Variants in PRKN observed in about 807,000 individuals in gnomAD.
PRKN encodes parkin RBR E3 ubiquitin protein ligase, also known as E3 ubiquitin-protein ligase parkin.
A neutral mutation model predicts 59.5 loss-of-function variants in PRKN; 56 were observed. The observed-to-expected ratio is 0.94, with a 90% CI of 0.76 to 1.18. The LOEUF (loss-of-function observed/expected upper bound fraction) is 1.18, where lower values mean the gene tolerates loss of function less well. Among genes scored for constraint, PRKN ranks in the 50% most tolerant of loss-of-function variants. The pLI, the probability that PRKN is intolerant of heterozygous loss-of-function variation, is 0.00. For missense variants in PRKN, 657 were observed against 596.4 expected (o/e 1.10, Z -1.06); for synonymous variants, 250 against 222.1 (o/e 1.13, Z -1.12).
At chr6:162,064,848 C>T (rs1251958034) in intron 4 of PRKN, among the ~76,000 whole-genome samples, 1 of 152,190 alleles carries the variant, frequency 6.6e-6, no homozygotes, top group Non-Finnish European at 1.5e-5. Flanking sequence ...AGAAGAAGGA[C>T]GAGTCCCCAG....
At chr6:162,236,743 C>T (rs1377227592) in intron 3 of PRKN, among the ~76,000 whole-genome samples, 5 of 151,556 alleles carry the variant, frequency 3.3e-5, no homozygotes, top group South Asian at 2.1e-4. Flanking sequence ...TGCAGTGAGC[C>T]GAGATTGCAC....
intron 7 of PRKN, among the ~76,000 whole-genome samples, chr6:161,676,767 C>T (rs1043775588): frequency 6.6e-6 from 1 of 152,136 alleles, no homozygotes; most frequent in African/African-American, 2.4e-5. Context: ...AATCTGGTTT[C>T]ATGTAGGGTG....
intron 9 of PRKN, among the ~76,000 whole-genome samples, chr6:161,453,845 C>T (rs979865345): frequency 8.1e-5 from 12 of 148,988 alleles, no homozygotes; most frequent in African/African-American, 2.7e-4. Flanking sequence ...TCTGGGAATA[C>T]TAGTTGTTAC....
intron 1 of PRKN, among the ~76,000 whole-genome samples, chr6:162,637,382 C>G (rs191233590): frequency 5.2e-4 from 78 of 151,138 alleles, no homozygotes; most frequent in African/African-American, 1.8e-3. Flanking sequence ...TGCATACACA[C>G]AACTCCAGCT....
intron 1 of PRKN, among the ~76,000 whole-genome samples, chr6:162,512,314 C>T (rs1372618046): frequency 6.6e-6 from 1 of 152,102 alleles, no homozygotes; most frequent in Non-Finnish European, 1.5e-5. Context: ...ACAAAGTATA[C>T]CTTTACTCAC....
At position 161,618,728 on chromosome 6, in the gene PRKN, T is replaced by G. The variant is rs77076558; in HGVS notation, c.872-49312A>C. Among the ~76,000 whole-genome samples, 112 of 152,356 alleles carry G rather than the reference T, an allele frequency of 7.4e-4. No individual in the cohort carries two copies. The East Asian group carries it at 0.021, about 29-fold the overall frequency. On this transcript the variant is annotated intron_variant, in intron 7 of 11. Coordinates refer to ENST00000366898, the MANE Select transcript of PRKN (RefSeq NM_004562.3). ...GCAATTATCTCTCACACACTCAAAC[T>G]GCTTTCTTTCACAACATTACTTTTA...
At chr6:161,840,273 C>T (rs538154876) in intron 6 of PRKN, among the ~76,000 whole-genome samples, 2 of 152,296 alleles carry the variant, frequency 1.3e-5, no homozygotes, top group East Asian at 1.9e-4. Flanking sequence ...TCACAGGTGA[C>T]AGGCAGGCTG....
Position 162,056,915 on chromosome 6 carries a change from C to G in PRKN, c.535-2741G>C, listed in dbSNP as rs1477815981. On this transcript the variant is annotated intron_variant, in intron 4 of 11. Coordinates refer to ENST00000366898, the MANE Select transcript of PRKN (RefSeq NM_004562.3). The surrounding 1 kb of genome is among the most constrained non-coding windows in gnomAD (Gnocchi z 4.9). ...CTCGAGTGACCACTGGGGGAGGACT[C>G]AGAGCCTTGCCTGCGGTTTCCTCTA... is the stretch of plus-strand genomic sequence containing the variant. Among the ~76,000 whole-genome samples, 1 of 152,166 alleles carries G rather than the reference C, an allele frequency of 6.6e-6. No homozygotes were observed. The highest frequency in any genetic ancestry group is 2.4e-5 in the African/African-American group (1 of 41,426).
chr6:161,442,425 T>A lies in PRKN; in HGVS notation c.1084-55548A>T, dbSNP rs1247866042. 6.6e-6 allele frequency among the ~76,000 whole-genome samples: 1 copy of A among 152,220 alleles called. No homozygotes were observed. Among genetic ancestry groups the A allele is most frequent in the African/African-American group, 2.4e-5 (1 of 41,468 alleles). ...TCCACAAACAGGTTTACTTTAGTGA[T>A]CATAACAAATGGCTTTTATTCAGAA... On this transcript the variant is annotated intron_variant, in intron 9 of 11. Transcript: ENST00000366898. This position sits in a 1 kb window ranked among gnomAD's most constrained non-coding sequence, Gnocchi z 4.6.
chr6:161,370,366 C>T lies in PRKN; in HGVS notation c.1168-10161G>A, dbSNP rs184586953. Among the ~76,000 whole-genome samples, 1,284 of 150,286 alleles carry T rather than the reference C, an allele frequency of 8.5e-3. 11 individuals are homozygous for T. The highest frequency in any genetic ancestry group is 0.015 in the Non-Finnish European group (1,022 of 67,732). On this transcript the variant is annotated intron_variant, in intron 10 of 11. Transcript: ENST00000366898. The stretch of plus-strand genomic sequence containing the variant: ...TTGGGAGGCCGAGGCGGGTGGATCA[C>T]GAGGTCAGATCAAACCATCCTGGCT...
At chr6:161,691,899 A>T (rs1225262362) in intron 7 of PRKN, among the ~76,000 whole-genome samples, 1 of 151,208 alleles carries the variant, frequency 6.6e-6, no homozygotes. Context: ...GTTACAAATA[A>T]GACTTAGCGA....
intron 1 of PRKN, among the ~76,000 whole-genome samples, chr6:162,622,809 G>A (rs1782730227): frequency 6.6e-6 from 1 of 152,120 alleles, no homozygotes; most frequent in Admixed American, 6.5e-5. Context: ...AAGCAGGCAG[G>A]CAGGCTGGTG....
intron 1 of PRKN, among the ~76,000 whole-genome samples, chr6:162,473,322 C>T (rs1196270377): frequency 6.6e-6 from 1 of 152,130 alleles, no homozygotes; most frequent in East Asian, 1.9e-4. Flanking sequence ...TAGGTAAAGG[C>T]ATTAGGAAAA....
chr6:161,809,300 A>G lies in PRKN; in HGVS notation c.735-23392T>C, dbSNP rs956935360. ...ACTCAGAAATCCCGAGTCCTGAGGAATTACCACTTGGGGCTGGGTACTTGA... is the reference window on the plus strand; with the variant it reads ...ACTCAGAAATCCCGAGTCCTGAGGAGTTACCACTTGGGGCTGGGTACTTGA... On this transcript the variant is annotated intron_variant, in intron 6 of 11. Coordinates refer to ENST00000366898, the MANE Select transcript of PRKN (RefSeq NM_004562.3). Among the ~76,000 whole-genome samples the G allele has an allele frequency of 1.4e-3, 13 of 9,394 alleles. 1 individual carries two copies. The highest frequency in any genetic ancestry group is 0.056 in the Middle Eastern group (1 of 18). The allele number at this position is 9,394 out of a possible 152,430, so 6.2% of individuals were successfully genotyped here. A position where few individuals can be genotyped will look rare whatever the true frequency, so the allele number is the denominator to read the frequency against.
intron 9 of PRKN, among the ~76,000 whole-genome samples, chr6:161,513,397 C>T (rs894984436): frequency 2.0e-5 from 3 of 151,972 alleles, no homozygotes; most frequent in African/African-American, 2.4e-5. Context: ...CATGCCACCA[C>T]GCTTGGCTAA....
intron 5 of PRKN, 51 bp downstream of exon 5, chr6:162,054,040 G>A: frequency 8.8e-7 from 1 of 1,141,504 alleles, no homozygotes; most frequent in South Asian, 1.2e-5. Context: ...AAACAGTGAA[G>A]ATGTCATCAT....
Position 162,486,229 on chromosome 6 carries a change from C to T in PRKN, c.8-42756G>A, listed in dbSNP as rs201525652. Among the ~76,000 whole-genome samples the T allele has an allele frequency of 1.2e-4, 18 of 152,158 alleles. No individual in the cohort carries two copies. The South Asian group carries it at 2.1e-3, about 18-fold the overall frequency. ...TACTACTCATACATATGTATATGTACGTATGTATGAATATGTATGATTGAT... is the reference window on the plus strand; with the variant it reads ...TACTACTCATACATATGTATATGTATGTATGTATGAATATGTATGATTGAT... On this transcript the variant is annotated intron_variant, in intron 1 of 11. Coordinates refer to ENST00000366898, the MANE Select transcript of PRKN (RefSeq NM_004562.3).
Position 161,578,006 on chromosome 6 carries a change from C to A in PRKN, c.872-8590G>T, listed in dbSNP as rs1201154224. 2.6e-5 allele frequency among the ~76,000 whole-genome samples: 4 copies of A among 152,114 alleles called. No individual in the cohort carries two copies. The highest frequency in any genetic ancestry group is 5.9e-5 in the Non-Finnish European group (4 of 68,042). On this transcript the variant is annotated intron_variant, in intron 7 of 11. Coordinates refer to ENST00000366898, the MANE Select transcript of PRKN (RefSeq NM_004562.3). This position sits in a 1 kb window ranked among gnomAD's most constrained non-coding sequence, Gnocchi z 4.2. ...ACTTACTATGCGTAACGCCAGGGGC[C>A]ATAGAGAAATCATAAATGAATCAGA...
In PRKN at chr6:162,645,914, G is replaced by A. The variant is rs182326413; in HGVS notation, c.7+81748C>T. Among the ~76,000 whole-genome samples the A allele has an allele frequency of 4.8e-3, 603 of 125,676 alleles. 4 individuals carry two copies. The highest frequency in any genetic ancestry group is 0.018 in the Middle Eastern group (3 of 166). The allele number at this position is 125,676 out of a possible 152,430, so 82.4% of individuals were successfully genotyped here. A position where few individuals can be genotyped will look rare whatever the true frequency, so the allele number is the denominator to read the frequency against. ...TTTTGAGACAGAGTCTTGCTCTGTC[G>A]CCCAGGCTGGAGTGCAGTGGCAAGA... On this transcript the variant is annotated intron_variant, in intron 1 of 11. Coordinates refer to ENST00000366898, the MANE Select transcript of PRKN (RefSeq NM_004562.3).
Sources: gnomAD v4.1 joint callset for allele counts (sites outside exome capture counted in the v4.1 genomes callset) on GRCh38, gnomAD v4.1.1 for gene constraint, Gnocchi (gnomAD v3.1) non-coding constraint, MANE v1.5 for transcripts, NCBI Gene and HGNC (gene_info 2026-07-23, HGNC 2026-07-21) for gene names.